Variants in ANXA4 observed in about 807,000 individuals in gnomAD.
ANXA4 encodes the protein 35-beta calcimedin.
In ANXA4, 39 loss-of-function variants were observed where a neutral mutation model predicts 49.8. The ratio of observed to expected loss-of-function variants is 0.78; its 90% CI spans 0.61 to 1.02. The LOEUF is 1.02. ANXA4 is among the 50% of genes least tolerant of loss of function. The probability of loss-of-function intolerance (pLI) is 0.00; values close to 1 mark genes in which losing one functional copy is unlikely to be tolerated. For missense variants in ANXA4, 360 were observed against 410.1 expected (o/e 0.88, Z 1.05); for synonymous variants, 134 against 152.5 (o/e 0.88, Z 0.89).
At chr2:69,744,745 GAAAGCTTAA>G (rs147112522) in intron 1 of ANXA4, among the ~76,000 whole-genome samples, 1,686 of 152,254 alleles carry the variant, frequency 0.011, 32 homozygotes, top group African/African-American at 0.037. Flanking sequence ...ATTTGTGAAC[GAAAGCTTAA>G]ATCCAGCTGC....
At chr2:69,689,287 T>C (rs1193252843) in intron 2 of ANXA4, among the ~76,000 whole-genome samples, 6 of 151,954 alleles carry the variant, frequency 3.9e-5, no homozygotes. Context: ...AGGGTCTTAC[T>C]ATTTTGCCCA....
At chr2:69,678,364 A>G (rs1677479884) in intron 2 of ANXA4, among the ~76,000 whole-genome samples, 1 of 146,030 alleles carries the variant, frequency 6.8e-6, no homozygotes, top group East Asian at 2.0e-4. Context: ...GAAGGGCATT[A>G]CAAATCTACA....
chr2:69,712,491 G>A (rs554266012), intron 2 of ANXA4, among the ~76,000 whole-genome samples: 4 of 152,268 alleles, frequency 2.6e-5, no homozygotes, highest in South Asian at 2.1e-4. Context: ...AAAGGTTAAC[G>A]GTGGCATTTT....
chr2:69,778,024 G>T (rs1432660698), intron 1 of ANXA4, among the ~76,000 whole-genome samples: 1 of 152,140 alleles, frequency 6.6e-6, no homozygotes, highest in Non-Finnish European at 1.5e-5. Context: ...GTTCCAATAA[G>T]TCTTCGAAGT....
intron 3 of ANXA4, among the ~76,000 whole-genome samples, chr2:69,790,823 G>A (rs1672658729): frequency 6.6e-6 from 1 of 152,142 alleles, no homozygotes; most frequent in Non-Finnish European, 1.5e-5. Flanking sequence ...TTAAAATGTA[G>A]GCAAGAACTT....
chr2:69,667,397 C>T (rs138991691), intron 2 of ANXA4, among the ~76,000 whole-genome samples: 164 of 151,424 alleles, frequency 1.1e-3, no homozygotes, highest in African/African-American at 4.0e-3. Context: ...TTGGTATTCA[C>T]GCACATGTGT....
intron 2 of ANXA4, among the ~76,000 whole-genome samples, chr2:69,690,563 T>G (rs1677930697): frequency 6.6e-6 from 1 of 152,138 alleles, no homozygotes; most frequent in South Asian, 2.1e-4. Flanking sequence ...ACTTAGTGGC[T>G]CCACCCTGTT....
chr2:69,775,533 A>G (rs1671927775), intron 1 of ANXA4, among the ~76,000 whole-genome samples: 1 of 152,230 alleles, frequency 6.6e-6, no homozygotes. Context: ...AGCAGCAAAG[A>G]GAAAGTTTGT....
chr2:69,716,798 C>T (rs911846310), intron 2 of ANXA4, among the ~76,000 whole-genome samples: 1 of 152,170 alleles, frequency 6.6e-6, no homozygotes, highest in Non-Finnish European at 1.5e-5. Flanking sequence ...GTGTTTTGTT[C>T]ATGTGCAGTT....
chr2:69,650,109 T>C (rs934176527), intron 1 of ANXA4, among the ~76,000 whole-genome samples: 2 of 151,558 alleles, frequency 1.3e-5, no homozygotes, highest in Admixed American at 6.6e-5. Context: ...CTAATTTTTG[T>C]ATTTTTTGTA....
At position 69,700,982 on chromosome 2, in the gene ANXA4, C is replaced by A. The variant is rs976843209; in HGVS notation, n.767-19792C>A. ...CCGCCTCCCAGGTTCAAGAAATTCT[C>A]CTGCCTCAGCCTCCTGAGTAGCTGG... On this transcript the variant is annotated intron_variant and non_coding_transcript_variant, in intron 2 of 3. Transcript: ENST00000418066. Among the ~76,000 whole-genome samples, 6 of 152,118 alleles carry A rather than the reference C, an allele frequency of 3.9e-5. No homozygotes were observed. The South Asian group carries it at 1.2e-3, about 32-fold the overall frequency.
chr2:69,757,454 T>A (rs1254633692), intron 1 of ANXA4, among the ~76,000 whole-genome samples: 1 of 143,312 alleles, frequency 7.0e-6, no homozygotes, highest in Non-Finnish European at 1.5e-5. Flanking sequence ...TTTTTTTTTT[T>A]AGTAGAGACA....
chr2:69,805,498 T>G (rs909956226), intron 4 of ANXA4, among the ~76,000 whole-genome samples: 4 of 151,516 alleles, frequency 2.6e-5, no homozygotes, highest in African/African-American at 9.7e-5. Flanking sequence ...CCCAGCTACT[T>G]GGGAGACTGA....
intron 1 of ANXA4, among the ~76,000 whole-genome samples, chr2:69,746,618 C>T (rs1375654860): frequency 6.6e-6 from 1 of 152,132 alleles, no homozygotes; most frequent in Non-Finnish European, 1.5e-5. Flanking sequence ...ACCTGAACCA[C>T]CACCTTTGAA....
rs200701534 is a variant in ANXA4, at chr2:69,647,354, AAT to A, written n.481+2460_481+2461del. On this transcript the variant is annotated intron_variant and non_coding_transcript_variant, in intron 1 of 3. Transcript: ENST00000418066. ...CATATGCCAGTTATGGAATTTAAAAAATATATATATATTGTTTTATTGTTTTA... is the reference window on the plus strand; with the variant it reads ...CATATGCCAGTTATGGAATTTAAAAAATATATATATTGTTTTATTGTTTTA... Among the ~76,000 whole-genome samples the A allele has an allele frequency of 5.0e-3, 760 of 151,286 alleles. 7 individuals carry two copies. The highest frequency in any genetic ancestry group is 0.018 in the African/African-American group (728 of 41,330).
intron 1 of ANXA4, among the ~76,000 whole-genome samples, chr2:69,774,103 G>A (rs1157331728): frequency 5.9e-5 from 9 of 151,970 alleles, no homozygotes; most frequent in African/African-American, 1.9e-4. Flanking sequence ...GATTACAGGC[G>A]TGAGCCATCT....
intron 8 of ANXA4, chr2:69,814,746 GTGTGTGT>G (rs1673888594): frequency 1.4e-4 from 4 of 28,722 alleles, no homozygotes; most frequent in Non-Finnish European, 2.8e-4. Context: ...ACAGAGGGGT[GTGTGTGT>G]GTGTGTGTGT....
chr2:69,703,553 G>A (rs566804135), intron 2 of ANXA4, among the ~76,000 whole-genome samples: 7 of 152,200 alleles, frequency 4.6e-5, no homozygotes, highest in African/African-American at 1.7e-4. Flanking sequence ...TACTTTTAGA[G>A]TCTCATTTTA....
At chr2:69,656,309 AT>A (rs1676464362) in intron 2 of ANXA4, among the ~76,000 whole-genome samples, 1 of 81,660 alleles carries the variant, frequency 1.2e-5, no homozygotes, top group Non-Finnish European at 2.8e-5. Context: ...ATATATGTAT[AT>A]ATGTATATAT....
Sources: gnomAD v4.1 joint callset for allele counts (sites outside exome capture counted in the v4.1 genomes callset) on GRCh38, gnomAD v4.1.1 for gene constraint, MANE v1.5 for transcripts, NCBI Gene and HGNC (gene_info 2026-07-23, HGNC 2026-07-21) for gene names.